The following SPOCK1 variants were observed in gnomAD, a reference collection of about 807,000 sequenced individuals.
SPOCK1 encodes SPARC (osteonectin), cwcv and kazal like domains proteoglycan 1.
A neutral mutation model predicts 55.3 loss-of-function variants in SPOCK1; 23 were observed. The ratio of observed to expected loss-of-function variants is 0.42; its 90% CI spans 0.30 to 0.59. SPOCK1 has a LOEUF of 0.59. Among genes scored for constraint, SPOCK1 ranks in the 20% least tolerant of loss-of-function variants. The pLI, the probability that SPOCK1 is intolerant of heterozygous loss-of-function variation, is 0.22. For synonymous variants in SPOCK1, 226 were observed against 221.0 expected (o/e 1.02, Z -0.20); for missense variants, 499 against 552.5 (o/e 0.90, Z 0.97).
intron 6 of SPOCK1, among the ~76,000 whole-genome samples, chr5:137,054,639 T>C (rs1395437815): frequency 6.6e-6 from 1 of 152,030 alleles, no homozygotes; most frequent in Non-Finnish European, 1.5e-5. Flanking sequence ...CCAGAGAATT[T>C]AGAGGCCAAC....
At chr5:137,356,838 T>TATATATATATAGAG (rs1554077335) in intron 2 of SPOCK1, among the ~76,000 whole-genome samples, 3 of 5,460 alleles carry the variant, frequency 5.5e-4, no homozygotes, top group Non-Finnish European at 9.3e-4. Context: ...TATATATATA[T>TATATATATATAGAG]AGAGAGAGAG....
intron 3 of SPOCK1, among the ~76,000 whole-genome samples, chr5:137,160,557 TTA>T (rs1491363965): frequency 1.7e-5 from 1 of 58,304 alleles, no homozygotes; most frequent in Non-Finnish European, 2.9e-5. Flanking sequence ...ATAATATATA[TTA>T]TATATTATAT....
At chr5:137,155,795 G>A (rs1446146039) in intron 3 of SPOCK1, among the ~76,000 whole-genome samples, 7 of 152,206 alleles carry the variant, frequency 4.6e-5, no homozygotes, top group Non-Finnish European at 2.9e-5. Context: ...CAAAGGCTCT[G>A]TCTGGTCTCT....
intron 2 of SPOCK1, among the ~76,000 whole-genome samples, chr5:137,281,232 C>A (rs551950255): frequency 1.3e-5 from 2 of 152,266 alleles, no homozygotes; most frequent in African/African-American, 2.4e-5. Flanking sequence ...GAAACTACAG[C>A]CCAGAAAAGT....
At chr5:137,221,306 G>A (rs1755842349) in intron 3 of SPOCK1, among the ~76,000 whole-genome samples, 1 of 152,066 alleles carries the variant, frequency 6.6e-6, no homozygotes, top group African/African-American at 2.4e-5. Flanking sequence ...AAAAGTCCAG[G>A]CCCATTTCAG....
At chr5:137,148,075 A>G (rs1580776291) in intron 3 of SPOCK1, among the ~76,000 whole-genome samples, 1 of 152,098 alleles carries the variant, frequency 6.6e-6, no homozygotes, top group East Asian at 1.9e-4. Flanking sequence ...CCACTCACAG[A>G]CCAGGGCCCT....
At chr5:137,262,916 T>C in intron 3 of SPOCK1, among the ~76,000 whole-genome samples, 1 of 152,272 alleles carries the variant, frequency 6.6e-6, no homozygotes, top group Admixed American at 6.5e-5. Flanking sequence ...ACTTCCTATA[T>C]GCCAGGCATA....
chr5:137,053,233 G>T (rs1378118991), intron 6 of SPOCK1, among the ~76,000 whole-genome samples: 1 of 152,144 alleles, frequency 6.6e-6, no homozygotes, highest in Non-Finnish European at 1.5e-5. Flanking sequence ...AACAAACCAA[G>T]GTGCACAGGG....
intron 2 of SPOCK1, among the ~76,000 whole-genome samples, chr5:137,395,119 C>A (rs760489682): frequency 8.5e-5 from 13 of 152,198 alleles, no homozygotes; most frequent in Non-Finnish European, 1.3e-4. Context: ...GGCATGTGTA[C>A]ACCAATGACA....
chr5:137,398,742 T>C lies in SPOCK1; in HGVS notation c.186+99631A>G, dbSNP rs1240238891. 3.3e-5 allele frequency among the ~76,000 whole-genome samples: 5 copies of C among 152,228 alleles called. No individual in the cohort carries two copies. In the East Asian group the frequency reaches 9.6e-4, roughly 29 times the overall value. On this transcript the variant is annotated intron_variant, in intron 2 of 10. Coordinates refer to ENST00000394945, the MANE Select transcript of SPOCK1 (RefSeq NM_004598.4). Reference sequence around the variant, plus strand: ...TATGGATAATATTTCCATAATTTCTTCCTAGTTAAGTGATCGATAAAATCT... The same window carrying C: ...TATGGATAATATTTCCATAATTTCTCCCTAGTTAAGTGATCGATAAAATCT...
chr5:137,445,945 A>G (rs1753118711), intron 2 of SPOCK1, among the ~76,000 whole-genome samples: 1 of 152,226 alleles, frequency 6.6e-6, no homozygotes, highest in South Asian at 2.1e-4. Flanking sequence ...AATAGAGCAC[A>G]AAATACAAAC....
chr5:137,204,600 A>C, intron 3 of SPOCK1, among the ~76,000 whole-genome samples: 1 of 147,680 alleles, frequency 6.8e-6, no homozygotes, highest in African/African-American at 2.5e-5. Context: ...TACTCCCAAG[A>C]CTCCCCCTCC....
intron 3 of SPOCK1, among the ~76,000 whole-genome samples, chr5:137,159,136 T>G (rs932442016): frequency 7.2e-5 from 11 of 152,160 alleles, no homozygotes; most frequent in African/African-American, 2.4e-4. Context: ...CATAGGTCTT[T>G]CTTCTTCTTC....
rs141816172 is a variant in SPOCK1, at chr5:137,391,504, G to A, written c.186+106869C>T. Among the ~76,000 whole-genome samples, 78 of 152,162 alleles carry A rather than the reference G, an allele frequency of 5.1e-4. 1 individual carries two copies. In the South Asian group the frequency reaches 8.1e-3, roughly 16 times the overall value. On this transcript the variant is annotated intron_variant, in intron 2 of 10. Transcript: ENST00000394945. Reference sequence around the variant, plus strand: ...CTGAGGGCAAGGGAGATCAAGAATCGTTTTATTTTCAGAATACCCTCTGGC... The same window carrying A: ...CTGAGGGCAAGGGAGATCAAGAATCATTTTATTTTCAGAATACCCTCTGGC...
chr5:137,338,870 GTTT>G (rs1175327080), intron 2 of SPOCK1, among the ~76,000 whole-genome samples: 1 of 152,086 alleles, frequency 6.6e-6, no homozygotes, highest in Non-Finnish European at 1.5e-5. Flanking sequence ...GGGGTTGTTT[GTTT>G]TTTTCTAATG....
chr5:137,393,329 C>G (rs1218306844), intron 2 of SPOCK1, among the ~76,000 whole-genome samples: 1 of 152,150 alleles, frequency 6.6e-6, no homozygotes, highest in Non-Finnish European at 1.5e-5. Flanking sequence ...AGCTACTGCT[C>G]CTTTGCCTCA....
At chr5:137,233,576 A>T (rs1347434040) in intron 3 of SPOCK1, among the ~76,000 whole-genome samples, 1 of 152,058 alleles carries the variant, frequency 6.6e-6, no homozygotes, top group African/African-American at 2.4e-5. Context: ...GACCAGTACT[A>T]GTCCATGGCC....
intron 2 of SPOCK1, among the ~76,000 whole-genome samples, chr5:137,267,990 T>C (rs1756890933): frequency 1.3e-5 from 2 of 152,266 alleles, no homozygotes; most frequent in African/African-American, 4.8e-5. Context: ...GCAGGCAGTC[T>C]GCATGCTGCA....
chr5:137,345,651 C>G lies in SPOCK1; in HGVS notation c.187-78596G>C, dbSNP rs1409039432. Among the ~76,000 whole-genome samples the G allele has an allele frequency of 2.0e-5, 3 of 152,138 alleles. No homozygotes were observed. The East Asian group carries it at 5.8e-4, about 29-fold the overall frequency. ...TCCAAAACTTTCCCAAAATGTGGTCCCTATAAAAAATCAACTGGGAGCCAT... is the reference window on the plus strand; with the variant it reads ...TCCAAAACTTTCCCAAAATGTGGTCGCTATAAAAAATCAACTGGGAGCCAT... On this transcript the variant is annotated intron_variant, in intron 2 of 10. Transcript: ENST00000394945.
Sources: gnomAD v4.1 joint callset for allele counts (sites outside exome capture counted in the v4.1 genomes callset) on GRCh38, gnomAD v4.1.1 for gene constraint, MANE v1.5 for transcripts, NCBI Gene and HGNC (gene_info 2026-07-23, HGNC 2026-07-21) for gene names.